The following MEPE variants were observed in gnomAD, a reference collection of about 807,000 sequenced individuals.
MEPE encodes matrix extracellular phosphoglycoprotein, also known as matrix, extracellular phosphoglycoprotein with ASARM motif (bone).
MEPE carries 7 observed loss-of-function variants against 7.3 expected under a neutral mutation model. That is an observed-to-expected ratio of 0.95 (90% CI 0.54 to 1.79). The LOEUF is 1.79. Among genes scored for constraint, MEPE ranks in the 40% most tolerant of loss-of-function variants. The pLI is 0.00. For synonymous variants in MEPE, 214 were observed against 213.1 expected (o/e 1.00, Z -0.04); for missense variants, 623 against 628.2 (o/e 0.99, Z 0.09).
At chr4:87,844,351 C>T (rs1723125816) in intron 3 of MEPE, among the ~76,000 whole-genome samples, 1 of 152,128 alleles carries the variant, frequency 6.6e-6, no homozygotes, top group Non-Finnish European at 1.5e-5. Context: ...GATCCTGCCC[C>T]TTCCCCCACC....
upstream of MEPE, among the ~76,000 whole-genome samples, chr4:87,829,882 T>TTTTTGG (rs1553915046): frequency 2.1e-5 from 3 of 142,796 alleles, no homozygotes; most frequent in Non-Finnish European, 4.6e-5. Context: ...TTTTTTTTTT[T>TTTTTGG]GGACTTTGCT....
At chr4:87,831,880 A>G (rs1001779637), upstream of MEPE, among the ~76,000 whole-genome samples, 2 of 152,090 alleles carry the variant, frequency 1.3e-5, no homozygotes, top group Non-Finnish European at 2.9e-5. Flanking sequence ...ATAGACAGTC[A>G]TATGGCTGCA....
Position 87,845,049 on chromosome 4 carries a change from A to C in MEPE, c.181A>C (p.Lys61Gln). ...GKRINQELSS[K>Q]ENIVQERKKD... Reference sequence around the variant, plus strand: ...GAGAATAAATCAAGAGCTATCATCTAAAGAAAATATTGTCCAGGAAAGAAA... The same window carrying C: ...GAGAATAAATCAAGAGCTATCATCTCAAGAAAATATTGTCCAGGAAAGAAA... Residue 61 changes from lysine to glutamine, a missense_variant, in exon 4 of 4, where the codon AAA becomes CAA. Lys to Gln is a moderately conservative substitution (Grantham distance 53, BLOSUM62 1). Coordinates refer to ENST00000361056, the MANE Select transcript of MEPE (RefSeq NM_020203.6). The C allele has an allele frequency of 6.2e-7, 1 of 1,612,374 alleles. No homozygotes were observed. Among genetic ancestry groups the C allele is most frequent in the Non-Finnish European group, 8.5e-7 (1 of 1,179,372 alleles).
At position 87,846,022 on chromosome 4, in the gene MEPE, A is replaced by G. The variant is rs1001892281; in HGVS notation, c.1154A>G (p.Glu385Gly). The change falls in exon 4 of 4, where the codon GAA (glutamate) becomes GGA (glycine). Residue 385 changes from glutamate to glycine, a missense_variant. Glu to Gly is a moderately conservative substitution (Grantham distance 98). Transcript: ENST00000361056. The part of the protein sequence containing the change: ...PPAPSKEKRK[E>G]GSSDAAESTN... ...GCACCCTCAAAAGAGAAAAGAAAAG[A>G]AGGCAGTAGTGATGCAGCTGAAAGT... 2 of 1,614,048 alleles carry G rather than the reference A, an allele frequency of 1.2e-6. No homozygotes were observed. Among genetic ancestry groups the G allele is most frequent in the Non-Finnish European group, 1.7e-6 (2 of 1,179,982 alleles).
At chr4:87,841,144 G>A (rs17013280) in intron 3 of MEPE, among the ~76,000 whole-genome samples, 12,237 of 151,988 alleles carry the variant, frequency 0.081, 546 homozygotes, top group South Asian at 0.15. Flanking sequence ...GAGAAGCACC[G>A]AAAATAAAAC....
At chr4:87,842,900 T>C (rs182542191) in intron 3 of MEPE, among the ~76,000 whole-genome samples, 99 of 152,296 alleles carry the variant, frequency 6.5e-4, no homozygotes, top group Middle Eastern at 3.4e-3. Context: ...GGGAAGGACT[T>C]GTACTGGGAC....
intron 3 of MEPE, chr4:87,840,022 T>G: frequency 6.5e-7 from 1 of 1,535,438 alleles, no homozygotes; most frequent in Non-Finnish European, 8.7e-7. Flanking sequence ...CTTCAGGACC[T>G]GTGGCTGCAG....
intron 3 of MEPE, among the ~76,000 whole-genome samples, chr4:87,840,315 C>T (rs1000366041): frequency 6.6e-6 from 1 of 152,186 alleles, no homozygotes; most frequent in South Asian, 2.1e-4. Flanking sequence ...TCTTTTCACT[C>T]AGTCCCTTCT....
upstream of MEPE, chr4:87,832,860 C>T (rs1039774375): frequency 2.0e-5 from 3 of 152,156 alleles, no homozygotes; most frequent in Non-Finnish European, 4.4e-5. Context: ...CTATGGTTAT[C>T]TGTGGGCGCT....
intron 3 of MEPE, among the ~76,000 whole-genome samples, chr4:87,841,805 G>A (rs376901590): frequency 9.3e-4 from 141 of 152,294 alleles, no homozygotes; most frequent in South Asian, 6.8e-3. Context: ...GGCAATTCAA[G>A]AGCAGGGGGG....
rs773178722 is a variant in MEPE, at chr4:87,845,440, C to G, written c.572C>G (p.Ser191Trp). The change falls in exon 4 of 4, where the codon TCG becomes TGG. Residue 191 changes from serine (S) to tryptophan (W), a missense_variant. Ser to Trp is a radical substitution (Grantham distance 177). Transcript: ENST00000361056. ...AGTATGAATTATGCTAAAGCACACT[C>G]GAAGGATAAAAAGAAGCCTCAAAGA... ...PASMNYAKAH[S>W]KDKKKPQRDS... 1.2e-6 allele frequency: 2 copies of G among 1,613,852 alleles called. No individual in the cohort carries two copies. The highest frequency in any genetic ancestry group is 1.7e-6 in the Non-Finnish European group (2 of 1,179,946).
upstream of MEPE, among the ~76,000 whole-genome samples, chr4:87,831,885 G>A (rs1283983265): frequency 6.6e-6 from 1 of 151,952 alleles, no homozygotes; most frequent in Non-Finnish European, 1.5e-5. Context: ...CAGTCATATG[G>A]CTGCAGGCTT....
rs73840166 is a variant in MEPE at position 87,839,612 on chromosome 4, A to G, written c.108+927A>G. The G allele has an allele frequency of 6.0e-3, 6,195 of 1,027,876 alleles. 252 individuals carry two copies. The African/African-American group carries it at 0.087, about 14-fold the overall frequency. The allele number at this position is 1,027,876 out of a possible 1,614,324, so 63.7% of individuals were successfully genotyped here. A position where few individuals can be genotyped will look rare whatever the true frequency, so the allele number is the denominator to read the frequency against. On this transcript the variant is annotated intron_variant, in intron 3 of 3. Coordinates refer to ENST00000361056, the MANE Select transcript of MEPE (RefSeq NM_020203.6). The stretch of plus-strand genomic sequence containing the variant: ...TCACCCAACTTTTAAAGTTTCTTAT[A>G]TTATTACAAAGAGCCCAAAAACTTC...
chr4:87,839,763 C>T (rs1722942601), intron 3 of MEPE: 1 of 1,549,662 alleles, frequency 6.5e-7, no homozygotes, highest in South Asian at 1.2e-5. Flanking sequence ...GAAGAAAAAT[C>T]AAACTGATGT....
chr4:87,842,139 T>C (rs1027637048), intron 3 of MEPE, among the ~76,000 whole-genome samples: 1 of 152,200 alleles, frequency 6.6e-6, no homozygotes, highest in African/African-American at 2.4e-5. Context: ...TTCTAATGCA[T>C]GTGTTCTTTC....
chr4:87,837,949 G>A (rs982329777), intron 2 of MEPE, among the ~76,000 whole-genome samples: 7 of 152,114 alleles, frequency 4.6e-5, no homozygotes, highest in East Asian at 1.9e-4. Flanking sequence ...CCCTTTCTGC[G>A]CTTCAATAGC....
At position 87,846,577 on chromosome 4, in the gene MEPE, C is replaced by T; in HGVS notation, c.*131C>T. On this transcript the variant is annotated 3_prime_UTR_variant, in exon 4 of 4. Coordinates refer to ENST00000361056, the MANE Select transcript of MEPE (RefSeq NM_020203.6). ...TGAAGAACTGAGTGAGCCAAGAATCCTGGTCTCCTTGGGGGAATTTTTGCT... is the reference window on the plus strand; with the variant it reads ...TGAAGAACTGAGTGAGCCAAGAATCTTGGTCTCCTTGGGGGAATTTTTGCT... 1 of 1,024,342 alleles carries T rather than the reference C, an allele frequency of 9.8e-7. No individual in the cohort carries two copies. The highest frequency in any genetic ancestry group is 1.4e-6 in the Non-Finnish European group (1 of 711,090). The allele number at this position is 1,024,342 out of a possible 1,614,324, so 63.5% of individuals were successfully genotyped here.
At chr4:87,836,125 A>T (rs1722781388) in intron 2 of MEPE, among the ~76,000 whole-genome samples, 1 of 152,060 alleles carries the variant, frequency 6.6e-6, no homozygotes, top group Admixed American at 6.6e-5. Flanking sequence ...ATTAAATATG[A>T]TGTTTTCTTC....
chr4:87,832,052 A>T (rs1722613401), upstream of MEPE, among the ~76,000 whole-genome samples: 1 of 151,856 alleles, frequency 6.6e-6, no homozygotes, highest in South Asian at 2.1e-4. Flanking sequence ...TCTTCTTCCA[A>T]TTTGGCACCT....
Sources: gnomAD v4.1 joint callset for allele counts (sites outside exome capture counted in the v4.1 genomes callset) on GRCh38, gnomAD v4.1.1 for gene constraint, MANE v1.5 for transcripts, NCBI Gene and HGNC (gene_info 2026-07-23, HGNC 2026-07-21) for gene names.